ASTN2: variants seen among roughly 807,000 people sequenced by gnomAD.
ASTN2 encodes astrotactin-2.
A neutral mutation model predicts 139.8 loss-of-function variants in ASTN2; 54 were observed. The ratio of observed to expected loss-of-function variants is 0.39; its 90% CI spans 0.31 to 0.48. The LOEUF (loss-of-function observed/expected upper bound fraction) is 0.48, where lower values mean the gene tolerates loss of function less well. ASTN2 is among the 20% of genes least tolerant of loss of function. ASTN2 has a pLI of 0.95. For missense variants in ASTN2, 1,565 were observed against 1,725.1 expected (o/e 0.91, Z 1.64); for synonymous variants, 756 against 719.5 (o/e 1.05, Z -0.81).
rs16933591 is a variant in ASTN2, at chr9:116,487,411, C to T, written c.3445G>A (p.Val1149Ile). ...TTGAAGATGACTGAGTAGATACTGA[C>T]TTCAGGGACCTCTCCATGGCTTCGA... ...AGRSHGEVPE[V>I]SIYSVIFKCL... Residue 1149 changes from valine (V) to isoleucine (I), a missense_variant, in exon 20 of 23, where the codon GTC becomes ATC. By Grantham distance (29) the Val-to-Ile change is conservative. Around this residue, in one of 4 missense-constraint regions of ASTN2, gnomAD observed 418 missense variants for 465.8 expected, o/e 0.90. Transcript: ENST00000313400. 3.4e-3 allele frequency: 5,542 copies of T among 1,614,014 alleles called. 166 individuals carry two copies. In the African/African-American group the frequency reaches 0.064, roughly 19 times the overall value.
intron 6 of ASTN2, among the ~76,000 whole-genome samples, chr9:117,009,980 C>G (rs1358332036): frequency 1.3e-5 from 2 of 152,164 alleles, no homozygotes; most frequent in Non-Finnish European, 2.9e-5. Flanking sequence ...ATTATCTTCT[C>G]TAATTCACAC....
intron 19 of ASTN2, among the ~76,000 whole-genome samples, chr9:116,537,001 C>A (rs1765689171): frequency 6.6e-6 from 1 of 152,214 alleles, no homozygotes; most frequent in African/African-American, 2.4e-5. Context: ...TGGTGGGCTC[C>A]ACCCCTTTTG....
intron 5 of ASTN2, among the ~76,000 whole-genome samples, chr9:117,060,587 G>GGCAGGCAGGAAT: frequency 6.6e-6 from 1 of 150,480 alleles, no homozygotes; most frequent in Admixed American, 6.6e-5. Flanking sequence ...AAAGAAGGCA[G>GGCAGGCAGGAAT]GAAGGAAGGA....
intron 10 of ASTN2, among the ~76,000 whole-genome samples, chr9:116,913,540 A>C (rs1834369992): frequency 1.3e-5 from 2 of 152,218 alleles, no homozygotes; most frequent in African/African-American, 2.4e-5. Flanking sequence ...TGATTTGGGC[A>C]TGCTGCAGCC....
chr9:117,160,558 A>AATT (rs758188013), intron 3 of ASTN2, among the ~76,000 whole-genome samples: 1 of 152,188 alleles, frequency 6.6e-6, no homozygotes. Flanking sequence ...GTTCTGCTTT[A>AATT]TTCTTCATTA....
chr9:116,698,553 C>T lies in ASTN2; in HGVS notation c.2806+27218G>A, dbSNP rs372298402. 61 of 1,613,754 alleles carry T rather than the reference C, an allele frequency of 3.8e-5. No homozygotes were observed. The highest frequency in any genetic ancestry group is 3.3e-4 in the Admixed American group (20 of 59,988). On this transcript the variant is annotated intron_variant, in intron 16 of 22. Coordinates refer to ENST00000313400, the MANE Select transcript of ASTN2 (RefSeq NM_001365068.1). This position sits in a 1 kb window ranked among gnomAD's most constrained non-coding sequence, Gnocchi z 4.4. Reference sequence around the variant, plus strand: ...GCCAGAGCTCACTGCCAGCTTGCCTCGGGAGCTCACCCTGCAAGATGTGGA... The same window carrying T: ...GCCAGAGCTCACTGCCAGCTTGCCTTGGGAGCTCACCCTGCAAGATGTGGA...
chr9:116,698,413 A>G lies in ASTN2; in HGVS notation c.2806+27358T>C. Reference sequence around the variant, plus strand: ...TCCAATAGTCAAGTGGTAGAGGAGCAGAGTTACCTGCTTAACATTGCAGAG... The same window carrying G: ...TCCAATAGTCAAGTGGTAGAGGAGCGGAGTTACCTGCTTAACATTGCAGAG... On this transcript the variant is annotated intron_variant, in intron 16 of 22. Transcript: ENST00000313400. This position sits in a 1 kb window ranked among gnomAD's most constrained non-coding sequence, Gnocchi z 4.4. The G allele has an allele frequency of 6.2e-7, 1 of 1,614,138 alleles. No homozygotes were observed. The highest frequency in any genetic ancestry group is 8.5e-7 in the Non-Finnish European group (1 of 1,180,024).
chr9:117,369,672 C>A (rs1829938880), intron 1 of ASTN2, among the ~76,000 whole-genome samples: 1 of 152,090 alleles, frequency 6.6e-6, no homozygotes, highest in Non-Finnish European at 1.5e-5. Flanking sequence ...ATCTCACTAC[C>A]AAGCACAGTC....
At chr9:117,262,906 G>A (rs1381332625) in intron 2 of ASTN2, among the ~76,000 whole-genome samples, 1 of 152,162 alleles carries the variant, frequency 6.6e-6, no homozygotes, top group Non-Finnish European at 1.5e-5. Flanking sequence ...AGGGGGCCAT[G>A]AGCCAAGGAA....
intron 2 of ASTN2, among the ~76,000 whole-genome samples, chr9:117,270,545 C>T (rs1300397626): frequency 6.6e-6 from 1 of 152,176 alleles, no homozygotes; most frequent in African/African-American, 2.4e-5. Flanking sequence ...TCCCTATTTG[C>T]TACCACAGGG....
intron 19 of ASTN2, among the ~76,000 whole-genome samples, chr9:116,522,782 G>T (rs1397942684): frequency 6.6e-6 from 1 of 152,136 alleles, no homozygotes; most frequent in South Asian, 2.1e-4. Context: ...TTTGAAAACT[G>T]AGGTTGTATG....
At chr9:117,391,604 G>A (rs1182359234) in intron 1 of ASTN2, among the ~76,000 whole-genome samples, 1 of 152,070 alleles carries the variant, frequency 6.6e-6, no homozygotes, top group Non-Finnish European at 1.5e-5. Context: ...TGAGATTTGG[G>A]TGGGGACACA....
intron 1 of ASTN2, among the ~76,000 whole-genome samples, chr9:117,335,045 ACT>A (rs1422425666): frequency 7.9e-5 from 12 of 152,112 alleles, no homozygotes; most frequent in Admixed American, 5.9e-4. Flanking sequence ...ACAGAGTGAG[ACT>A]CTGTCTCAAT....
intron 16 of ASTN2, among the ~76,000 whole-genome samples, chr9:116,722,634 G>A (rs1828503807): frequency 6.6e-6 from 1 of 152,164 alleles, no homozygotes; most frequent in Admixed American, 6.5e-5. Context: ...CCTGTAATGG[G>A]GGAAGTGAGT....
chr9:116,801,812 C>T (rs1280617533), intron 13 of ASTN2, among the ~76,000 whole-genome samples: 3 of 151,840 alleles, frequency 2.0e-5, no homozygotes, highest in Non-Finnish European at 4.4e-5. Context: ...GAATAGATTG[C>T]TCTAATATAA....
chr9:117,216,473 A>G (rs925915782), intron 2 of ASTN2, among the ~76,000 whole-genome samples: 7 of 152,230 alleles, frequency 4.6e-5, no homozygotes, highest in African/African-American at 1.7e-4. Context: ...ATAACATAAA[A>G]ACAAATGCAC....
intron 14 of ASTN2, among the ~76,000 whole-genome samples, chr9:116,733,085 T>A (rs544562465): frequency 6.6e-6 from 1 of 152,150 alleles, no homozygotes; most frequent in African/African-American, 2.4e-5. Flanking sequence ...AAATTGTCAA[T>A]GAGAATGAAA....
intron 11 of ASTN2, among the ~76,000 whole-genome samples, chr9:116,860,831 A>T (rs7036590): frequency 0.36 from 54,559 of 152,114 alleles, 10,993 homozygotes; most frequent in Non-Finnish European, 0.47. Flanking sequence ...ATGCTTTGAG[A>T]ATGCTAAAGT....
Position 116,768,787 on chromosome 9 carries a change from A to C in ASTN2, c.2397-35264T>G, listed in dbSNP as rs1221382884. ...GACAGCAAATCTGCCTTGATTTTGGACTTCCCACCCTCCAGGACTATAAGA... is the reference window on the plus strand; with the variant it reads ...GACAGCAAATCTGCCTTGATTTTGGCCTTCCCACCCTCCAGGACTATAAGA... On this transcript the variant is annotated intron_variant, in intron 13 of 22. Transcript: ENST00000313400. 2.0e-5 allele frequency among the ~76,000 whole-genome samples: 3 copies of C among 152,134 alleles called. No individual in the cohort carries two copies. In the East Asian group the frequency reaches 5.8e-4, roughly 29 times the overall value.
Sources: gnomAD v4.1 joint callset for allele counts (sites outside exome capture counted in the v4.1 genomes callset) on GRCh38, gnomAD v4.1.1 for gene constraint, gnomAD v4.1.1 regional missense constraint, Gnocchi (gnomAD v3.1) non-coding constraint, MANE v1.5 for transcripts, NCBI Gene and HGNC (gene_info 2026-07-23, HGNC 2026-07-21) for gene names.